ANTXR2: variants seen among roughly 807,000 people sequenced by gnomAD.
ANTXR2 encodes the protein anthrax toxin receptor 2.
A neutral mutation model predicts 73.7 loss-of-function variants in ANTXR2; 44 were observed. The observed-to-expected ratio is 0.60, with a 90% CI of 0.47 to 0.77. ANTXR2 has a LOEUF of 0.77. Ranked by LOEUF, ANTXR2 falls within the 30% of genes least tolerant of loss-of-function variation. ANTXR2 has a pLI of 0.00. For synonymous variants in ANTXR2, 217 were observed against 205.9 expected (o/e 1.05, Z -0.46); for missense variants, 604 against 592.5 (o/e 1.02, Z -0.20).
intron 3 of ANTXR2, among the ~76,000 whole-genome samples, chr4:80,061,382 G>A (rs1450219586): frequency 6.6e-6 from 1 of 151,740 alleles, no homozygotes; most frequent in African/African-American, 2.4e-5. Context: ...CACTCATGTT[G>A]TCAAATGCCA....
At chr4:80,049,274 A>T (rs1236955117) in intron 7 of ANTXR2, among the ~76,000 whole-genome samples, 2 of 151,760 alleles carry the variant, frequency 1.3e-5, no homozygotes, top group African/African-American at 2.4e-5. Flanking sequence ...TATCTTCCAT[A>T]GTCTGCATTA....
At chr4:79,993,803 G>A (rs1730599649) in intron 12 of ANTXR2, among the ~76,000 whole-genome samples, 1 of 133,922 alleles carries the variant, frequency 7.5e-6, no homozygotes, top group South Asian at 2.4e-4. Context: ...TTCTTTCAGA[G>A]GAGAGCAGTT....
intron 12 of ANTXR2, among the ~76,000 whole-genome samples, chr4:79,992,191 T>C (rs1730501622): frequency 6.6e-6 from 1 of 152,052 alleles, no homozygotes; most frequent in Non-Finnish European, 1.5e-5. Context: ...TTCATTATCT[T>C]AGTTTTTTTA....
At chr4:80,069,889 T>C (rs376297740) in intron 2 of ANTXR2, among the ~76,000 whole-genome samples, 1 of 152,218 alleles carries the variant, frequency 6.6e-6, no homozygotes, top group African/African-American at 2.4e-5. Context: ...TCAACACTTA[T>C]GGGTGGAGAG....
intron 16 of ANTXR2, among the ~76,000 whole-genome samples, chr4:79,928,476 G>A (rs1444956373): frequency 4.6e-5 from 7 of 152,094 alleles, no homozygotes; most frequent in African/African-American, 1.2e-4. Context: ...CTACTGAATC[G>A]TATATTTAAA....
At chr4:80,055,598 G>A (rs1275954456) in intron 4 of ANTXR2, 131 bp from the exon 5 acceptor site, 11 of 743,766 alleles carry the variant, frequency 1.5e-5, no homozygotes, top group Non-Finnish European at 2.2e-5. Flanking sequence ...AGGGTAATTT[G>A]TGTTAACTAT....
intron 16 of ANTXR2, among the ~76,000 whole-genome samples, chr4:79,918,792 TATAA>T (rs1466076466): frequency 6.6e-6 from 1 of 151,958 alleles, no homozygotes; most frequent in East Asian, 1.9e-4. Flanking sequence ...ACACAAGTAA[TATAA>T]ATAAAGAAAA....
At chr4:80,048,306 C>G (rs1578184293) in intron 7 of ANTXR2, among the ~76,000 whole-genome samples, 2 of 147,466 alleles carry the variant, frequency 1.4e-5, no homozygotes, top group Non-Finnish European at 3.0e-5. Context: ...TGGGGCAATA[C>G]AATTTCAACC....
chr4:80,037,205 A>G (rs1733019499), intron 7 of ANTXR2, among the ~76,000 whole-genome samples: 1 of 152,214 alleles, frequency 6.6e-6, no homozygotes, highest in African/African-American at 2.4e-5. Context: ...CTTTCTTGGC[A>G]GAAGTTGAAG....
intron 3 of ANTXR2, among the ~76,000 whole-genome samples, chr4:80,060,429 T>G (rs1734192671): frequency 6.6e-6 from 1 of 152,174 alleles, no homozygotes; most frequent in South Asian, 2.1e-4. Flanking sequence ...GAATTACCTA[T>G]TTTGCCAGTC....
intron 12 of ANTXR2, among the ~76,000 whole-genome samples, chr4:80,002,313 G>A (rs1197015052): frequency 6.6e-6 from 1 of 152,114 alleles, no homozygotes; most frequent in East Asian, 1.9e-4. Flanking sequence ...ATGGGGAAAG[G>A]ATTCCTTATT....
At chr4:79,993,670 C>T (rs1260566999) in intron 12 of ANTXR2, among the ~76,000 whole-genome samples, 1 of 151,642 alleles carries the variant, frequency 6.6e-6, no homozygotes, top group East Asian at 1.9e-4. Flanking sequence ...AAGTTTTTCC[C>T]CCAAATGAAG....
At chr4:79,929,160 C>G (rs923511377) in intron 16 of ANTXR2, among the ~76,000 whole-genome samples, 3 of 152,056 alleles carry the variant, frequency 2.0e-5, no homozygotes, top group Admixed American at 6.6e-5. Flanking sequence ...AAATAGATGA[C>G]CACTACTGGG....
At chr4:80,008,051 T>G (rs1188950220) in intron 12 of ANTXR2, among the ~76,000 whole-genome samples, 1 of 152,274 alleles carries the variant, frequency 6.6e-6, no homozygotes, top group South Asian at 2.1e-4. Flanking sequence ...TTAACAGATA[T>G]GCTGACAATT....
At chr4:80,068,055 C>T (rs1734591696) in intron 3 of ANTXR2, among the ~76,000 whole-genome samples, 2 of 152,100 alleles carry the variant, frequency 1.3e-5, no homozygotes, top group African/African-American at 2.4e-5. Flanking sequence ...TCCTAGGCTG[C>T]ACTCAGCATC....
In ANTXR2 at chr4:79,902,582, G is replaced by A. The variant is rs763414805; in HGVS notation, c.*4847C>T. On this transcript the variant is annotated 3_prime_UTR_variant, in exon 17 of 17. Transcript: ENST00000403729. ...CCTATGAAACCAGAGTGAAGTACAT[G>A]CATACATTTCCCAATGTTTTACCCA... 6 of 152,056 alleles carry A rather than the reference G, an allele frequency of 3.9e-5. No individual in the cohort carries two copies. Among genetic ancestry groups the A allele is most frequent in the Non-Finnish European group, 8.8e-5 (6 of 68,022 alleles). The allele number at this position is 152,056 out of a possible 1,614,324, so 9.4% of individuals were successfully genotyped here. A position where few individuals can be genotyped will look rare whatever the true frequency, so the allele number is the denominator to read the frequency against.
chr4:79,943,685 T>C (rs1728400975), intron 16 of ANTXR2, among the ~76,000 whole-genome samples: 1 of 143,436 alleles, frequency 7.0e-6, no homozygotes, highest in African/African-American at 2.6e-5. Flanking sequence ...TGTATACATA[T>C]GTAACTAACC....
intron 7 of ANTXR2, 141 bp from the exon 8 acceptor site, chr4:80,036,173 A>G (rs937584780): frequency 1.6e-5 from 11 of 677,490 alleles, no homozygotes; most frequent in Non-Finnish European, 2.7e-5. Flanking sequence ...TATAGCGTGT[A>G]CAGCTACCAA....
chr4:79,979,045 G>A (rs993233728), intron 14 of ANTXR2, among the ~76,000 whole-genome samples: 1 of 152,028 alleles, frequency 6.6e-6, no homozygotes, highest in African/African-American at 2.4e-5. Flanking sequence ...GAAAAGTTCA[G>A]GAACCCTAGA....
Sources: allele counts gnomAD v4.1 joint callset (sites outside exome capture counted in the v4.1 genomes callset), GRCh38; gene constraint gnomAD v4.1.1; transcripts MANE v1.5; gene names NCBI Gene and HGNC (gene_info 2026-07-23, HGNC 2026-07-21).